The following GARRE1 variants were observed in gnomAD, a reference collection of about 807,000 sequenced individuals.
GARRE1 encodes the protein granule associated Rac and RHOG effector 1.
In GARRE1, 49 loss-of-function variants were observed where a neutral mutation model predicts 103.2. That is an observed-to-expected ratio of 0.47 (90% CI 0.38 to 0.60). The LOEUF is 0.60. Ranked by LOEUF, GARRE1 falls within the 20% of genes least tolerant of loss-of-function variation. GARRE1 has a pLI of 0.00. For missense variants in GARRE1, 1,199 were observed against 1,370.5 expected (o/e 0.87, Z 1.98); for synonymous variants, 505 against 532.8 (o/e 0.95, Z 0.72).
chr19:34,288,690 T>A (rs1159633545), intron 1 of GARRE1, among the ~76,000 whole-genome samples: 1 of 152,212 alleles, frequency 6.6e-6, no homozygotes, highest in Non-Finnish European at 1.5e-5. Context: ...AGGTGATGTG[T>A]GTCACTTTCA....
chr19:34,261,248 T>C (rs1456436578), intron 1 of GARRE1, among the ~76,000 whole-genome samples: 7 of 152,156 alleles, frequency 4.6e-5, no homozygotes, highest in African/African-American at 1.7e-4. Context: ...CTTTCAGTTT[T>C]CTGATTTGTA....
rs74177138 is a variant in GARRE1, at chr19:34,333,677, G to GTTTTTTT, written c.1264-16_1264-10dup. On this transcript the variant is annotated intron_variant, in intron 7 of 13. Coordinates refer to ENST00000299505, the MANE Select transcript of GARRE1 (RefSeq NM_014686.5). ...TCTCTCTGAAAGCTGGTTGTTATTT[G>GTTTTTTT]TTTTTTTTTTTTTTTTTCGATCTTA... The GTTTTTTT allele has an allele frequency of 1.2e-3, 823 of 674,242 alleles. 5 individuals are homozygous for GTTTTTTT. Among genetic ancestry groups the GTTTTTTT allele is most frequent in the East Asian group, 2.8e-3 (102 of 36,644 alleles). 41.8% of individuals were successfully genotyped at this position (674,242 alleles called of 1,614,324 possible). A position where few individuals can be genotyped will look rare whatever the true frequency, so the allele number is the denominator to read the frequency against.
intron 2 of GARRE1, among the ~76,000 whole-genome samples, chr19:34,309,672 G>A (rs1018880969): frequency 2.6e-5 from 4 of 152,082 alleles, no homozygotes; most frequent in African/African-American, 9.7e-5. Context: ...GGTACATGGG[G>A]GCTTGTTATG....
At chr19:34,292,568 A>G (rs1387303034) in intron 1 of GARRE1, among the ~76,000 whole-genome samples, 1 of 151,822 alleles carries the variant, frequency 6.6e-6, no homozygotes, top group African/African-American at 2.4e-5. Flanking sequence ...CATAGTAGCT[A>G]TCCCATTTTA....
chr19:34,309,197 T>C (rs2074025763), intron 2 of GARRE1, among the ~76,000 whole-genome samples: 1 of 152,098 alleles, frequency 6.6e-6, no homozygotes, highest in Non-Finnish European at 1.5e-5. Context: ...ACCAGACAAA[T>C]TCACAATGTG....
At chr19:34,333,171 T>C (rs1472930192) in intron 7 of GARRE1, among the ~76,000 whole-genome samples, 2 of 152,150 alleles carry the variant, frequency 1.3e-5, no homozygotes, top group Non-Finnish European at 2.9e-5. Flanking sequence ...CTCAGCCTCC[T>C]GAGTAGCTTG....
At chr19:34,335,834 C>T (rs1221379066) in intron 8 of GARRE1, among the ~76,000 whole-genome samples, 1 of 151,838 alleles carries the variant, frequency 6.6e-6, no homozygotes, top group East Asian at 1.9e-4. Context: ...CTCATTTGTT[C>T]TTGAAATGTA....
intron 2 of GARRE1, among the ~76,000 whole-genome samples, chr19:34,310,351 A>G (rs1238337907): frequency 1.3e-5 from 2 of 152,160 alleles, no homozygotes; most frequent in African/African-American, 2.4e-5. Context: ...CAGCCCATGT[A>G]TGGGTTATGT....
chr19:34,275,773 T>C (rs990351838), intron 1 of GARRE1, among the ~76,000 whole-genome samples: 3 of 152,356 alleles, frequency 2.0e-5, no homozygotes, highest in Middle Eastern at 3.4e-3. Context: ...GTGGTAATTT[T>C]ATGTTTAACC....
intron 8 of GARRE1, among the ~76,000 whole-genome samples, chr19:34,338,110 T>C (rs1304115795): frequency 6.6e-6 from 1 of 152,206 alleles, no homozygotes; most frequent in Non-Finnish European, 1.5e-5. Flanking sequence ...AAAGTCATGT[T>C]AGGGAGTACT....
intron 2 of GARRE1, 119 bp from the exon 3 acceptor site, chr19:34,319,788 G>C: frequency 1.2e-6 from 1 of 859,566 alleles, no homozygotes; most frequent in Non-Finnish European, 1.9e-6. Context: ...TTTTAACTTT[G>C]TATGATTTTG....
At chr19:34,264,101 G>T (rs571075764) in intron 1 of GARRE1, among the ~76,000 whole-genome samples, 1 of 152,320 alleles carries the variant, frequency 6.6e-6, no homozygotes, top group Non-Finnish European at 1.5e-5. Context: ...GTGTAAAGAT[G>T]TGTCCAGCCT....
intron 2 of GARRE1, among the ~76,000 whole-genome samples, chr19:34,305,871 A>G (rs1203980386): frequency 6.6e-6 from 1 of 152,240 alleles, no homozygotes; most frequent in Non-Finnish European, 1.5e-5. Context: ...AATGGGCTGA[A>G]CAGGCTTTCC....
chr19:34,272,514 C>CT (rs898001226), intron 1 of GARRE1, among the ~76,000 whole-genome samples: 5 of 152,116 alleles, frequency 3.3e-5, no homozygotes, highest in African/African-American at 1.2e-4. Flanking sequence ...AAGGGTAAAA[C>CT]TTGAAGACCC....
intron 6 of GARRE1, among the ~76,000 whole-genome samples, chr19:34,329,625 C>G (rs1372645422): frequency 2.6e-5 from 4 of 152,100 alleles, no homozygotes; most frequent in African/African-American, 9.7e-5. Flanking sequence ...CACCTGAGGT[C>G]AGGAGTTCAA....
At chr19:34,296,465 G>A in intron 1 of GARRE1, 3 of 1,593,750 alleles carry the variant, frequency 1.9e-6, no homozygotes, top group South Asian at 2.2e-5. Flanking sequence ...CAAGTCGATC[G>A]AGCTTGTGGC....
intron 12 of GARRE1, 22 bp downstream of exon 12, chr19:34,349,175 A>T: frequency 6.2e-7 from 1 of 1,610,052 alleles, no homozygotes; most frequent in Non-Finnish European, 8.5e-7. Context: ...TTTCTAAACC[A>T]AGGTGGGGAG....
At chr19:34,276,764 G>C (rs181212589) in intron 1 of GARRE1, among the ~76,000 whole-genome samples, 1 of 152,216 alleles carries the variant, frequency 6.6e-6, no homozygotes, top group African/African-American at 2.4e-5. Context: ...CCAGTTTCTC[G>C]AGTTTGCGCG....
chr19:34,304,459 T>C (rs2073997770), intron 2 of GARRE1, among the ~76,000 whole-genome samples: 1 of 149,522 alleles, frequency 6.7e-6, no homozygotes. Flanking sequence ...CACAGCAGCC[T>C]CTGTCTCCTG....
Sources: gnomAD v4.1 joint callset for allele counts (sites outside exome capture counted in the v4.1 genomes callset) on GRCh38, gnomAD v4.1.1 for gene constraint, MANE v1.5 for transcripts, NCBI Gene and HGNC (gene_info 2026-07-23, HGNC 2026-07-21) for gene names.